Variants in MEF2A observed in about 807,000 individuals in gnomAD.
The protein encoded by MEF2A is myocyte enhancer factor 2A, also known as myocyte-specific enhancer factor 2A.
MEF2A carries 28 observed loss-of-function variants against 55.8 expected under a neutral mutation model. The observed-to-expected ratio is 0.50, with a 90% confidence interval of 0.37 to 0.69. MEF2A has a LOEUF of 0.69. MEF2A is among the 30% of genes least tolerant of loss of function. The pLI is 0.00. For missense variants in MEF2A, 528 were observed against 626.2 expected (o/e 0.84, Z 1.67); for synonymous variants, 239 against 227.1 (o/e 1.05, Z -0.47).
At chr15:99,697,329 G>T (rs1337473060) in intron 8 of MEF2A, among the ~76,000 whole-genome samples, 1 of 151,958 alleles carries the variant, frequency 6.6e-6, no homozygotes, top group Non-Finnish European at 1.5e-5. Context: ...ATTCTTTCAT[G>T]TAGAAAAGTG....
intron 4 of MEF2A, among the ~76,000 whole-genome samples, chr15:99,652,010 T>C (rs2046925695): frequency 6.6e-6 from 1 of 152,222 alleles, no homozygotes; most frequent in Non-Finnish European, 1.5e-5. Context: ...ATTTTATTAA[T>C]AGTACTTACC....
chr15:99,568,326 G>A (rs1377523520), intron 1 of MEF2A, among the ~76,000 whole-genome samples: 1 of 152,048 alleles, frequency 6.6e-6, no homozygotes, highest in Non-Finnish European at 1.5e-5. Context: ...TGTGTGACAA[G>A]GATTTTTTTT....
intron 2 of MEF2A, among the ~76,000 whole-genome samples, chr15:99,600,096 G>T (rs1393163333): frequency 6.6e-6 from 1 of 152,076 alleles, no homozygotes; most frequent in Non-Finnish European, 1.5e-5. Flanking sequence ...TGTTTGTTTT[G>T]TTCATTAACT....
At chr15:99,638,137 G>C (rs1283851733) in intron 3 of MEF2A, among the ~76,000 whole-genome samples, 4 of 152,076 alleles carry the variant, frequency 2.6e-5, no homozygotes, top group Non-Finnish European at 5.9e-5. Flanking sequence ...TGATCATTTT[G>C]AAAGCTGTTT....
chr15:99,611,736 A>G (rs779909444), intron 2 of MEF2A, among the ~76,000 whole-genome samples: 6 of 152,220 alleles, frequency 3.9e-5, no homozygotes, highest in Non-Finnish European at 5.9e-5. Context: ...TCATAGCAGC[A>G]TTATTTATAA....
At chr15:99,595,389 G>T (rs1204358213) in intron 1 of MEF2A, among the ~76,000 whole-genome samples, 1 of 151,754 alleles carries the variant, frequency 6.6e-6, no homozygotes, top group African/African-American at 2.4e-5. Context: ...TCTCATTAAG[G>T]ACTTTTCCAC....
In MEF2A at chr15:99,712,261, A is replaced by G. The variant is rs2153831039; in HGVS notation, c.1137-129A>G. 2.1e-6 allele frequency: 3 copies of G among 1,411,278 alleles called. No homozygotes were observed. The highest frequency in any genetic ancestry group is 2.5e-5 in the East Asian group (1 of 39,746). 87.4% of individuals were successfully genotyped at this position (1,411,278 alleles called of 1,614,324 possible). On this transcript the variant is annotated intron_variant, in intron 11 of 11. Transcript: ENST00000557942. This position sits in a 1 kb window ranked among gnomAD's most constrained non-coding sequence, Gnocchi z 4.1. Reference sequence around the variant, plus strand: ...AGCACTGAAGGAAACGACCCAAACCAGTCTTGGGGAACTCTGATAAGATTT... The same window carrying G: ...AGCACTGAAGGAAACGACCCAAACCGGTCTTGGGGAACTCTGATAAGATTT...
intron 4 of MEF2A, among the ~76,000 whole-genome samples, chr15:99,665,161 A>G (rs1312954170): frequency 2.0e-5 from 3 of 152,222 alleles, no homozygotes; most frequent in Admixed American, 2.0e-4. Context: ...TAGCCTCATC[A>G]AAGAAACGGA....
At chr15:99,617,936 A>G (rs555356860) in intron 2 of MEF2A, among the ~76,000 whole-genome samples, 140 of 152,276 alleles carry the variant, frequency 9.2e-4, no homozygotes, top group African/African-American at 3.1e-3. Flanking sequence ...TGTTGTCTAG[A>G]TACCTAACAG....
At chr15:99,671,588 A>G in intron 5 of MEF2A, 134 bp downstream of exon 5, 1 of 1,608,338 alleles carries the variant, frequency 6.2e-7, no homozygotes, top group Non-Finnish European at 8.5e-7. Context: ...TGCTAACTCC[A>G]CATACAGAAG....
chr15:99,682,014 A>C (rs2053341196), intron 7 of MEF2A: 1 of 152,212 alleles, frequency 6.6e-6, no homozygotes, highest in Non-Finnish European at 1.5e-5. Flanking sequence ...GCCAAATATG[A>C]TTGAACTTTG....
At chr15:99,590,154 G>A (rs1056834083) in intron 1 of MEF2A, among the ~76,000 whole-genome samples, 13 of 151,952 alleles carry the variant, frequency 8.6e-5, no homozygotes, top group Non-Finnish European at 1.6e-4. Flanking sequence ...TTTGCTTTAT[G>A]TGTTTTGGAA....
chr15:99,622,702 C>CTTTTTTTTTTTTTTTTT (rs56054040), intron 2 of MEF2A, among the ~76,000 whole-genome samples: 3 of 135,700 alleles, frequency 2.2e-5, no homozygotes, highest in Non-Finnish European at 4.7e-5. Context: ...GTTTTCTTTT[C>CTTTTTTTTTTTTTTTTT]TTTTTTTTTT....
chr15:99,599,789 C>T (rs938964114), intron 2 of MEF2A, among the ~76,000 whole-genome samples: 1 of 152,054 alleles, frequency 6.6e-6, no homozygotes, highest in East Asian at 1.9e-4. Flanking sequence ...ACAGTTGGCC[C>T]TCTCTACCCA....
intron 2 of MEF2A, among the ~76,000 whole-genome samples, chr15:99,603,543 T>TTGTGTGTGTGAGTGTGTGTGTG (rs1974045925): frequency 7.9e-6 from 1 of 126,422 alleles, no homozygotes; most frequent in African/African-American, 2.9e-5. Flanking sequence ...CTGGCTGATT[T>TTGTGTGTGTGAGTGTGTGTGTG]TGTGTGTGTG....
At chr15:99,613,913 C>T (rs1321910099) in intron 2 of MEF2A, among the ~76,000 whole-genome samples, 1 of 152,216 alleles carries the variant, frequency 6.6e-6, no homozygotes, top group African/African-American at 2.4e-5. Context: ...ACCATAAACT[C>T]ATGAAATTGG....
chr15:99,645,580 A>G lies in MEF2A; in HGVS notation c.74A>G (p.Lys25Arg). ...GTTTAGGTCACTTTTACAAAGAGAA[A>G]GTTTGGATTAATGAAGAAAGCCTAT... is the stretch of plus-strand genomic sequence containing the variant. ...RNRQVTFTKR[K>R]FGLMKKAYEL... is the part of the protein sequence containing the mutation. The change falls in exon 4 of 12, where the codon AAG (lysine) becomes AGG (arginine). Residue 25 changes from lysine (K) to arginine (R), a missense_variant. Transcript: ENST00000557942. 6.2e-7 allele frequency: 1 copy of G among 1,612,852 alleles called. No individual in the cohort carries two copies.
chr15:99,618,213 C>T (rs2040525525), intron 2 of MEF2A, among the ~76,000 whole-genome samples: 1 of 152,240 alleles, frequency 6.6e-6, no homozygotes, highest in Admixed American at 6.5e-5. Flanking sequence ...AGCTATGTTA[C>T]CCTAAGAAGG....
chr15:99,680,127 A>G (rs2052944474), intron 7 of MEF2A, among the ~76,000 whole-genome samples: 1 of 152,122 alleles, frequency 6.6e-6, no homozygotes, highest in African/African-American at 2.4e-5. Context: ...TGAGTCTGGG[A>G]CCACTCTTCC....
Sources: gnomAD v4.1 joint callset for allele counts (sites outside exome capture counted in the v4.1 genomes callset) on GRCh38, gnomAD v4.1.1 for gene constraint, Gnocchi (gnomAD v3.1) non-coding constraint, MANE v1.5 for transcripts, NCBI Gene and HGNC (gene_info 2026-07-23, HGNC 2026-07-21) for gene names.